LARGE1: variants seen among roughly 807,000 people sequenced by gnomAD.
LARGE1 encodes xylosyl- and glucuronyltransferase LARGE1.
LARGE1 carries 43 observed loss-of-function variants against 87.6 expected under a neutral mutation model. The observed-to-expected ratio is 0.49, with a 90% CI of 0.38 to 0.63. The LOEUF (loss-of-function observed/expected upper bound fraction) is 0.63. LARGE1 is among the 30% of genes least tolerant of loss of function. LARGE1 has a pLI of 0.00. For missense variants in LARGE1, 802 were observed against 1,000.2 expected (o/e 0.80, Z 2.67); for synonymous variants, 434 against 394.6 (o/e 1.10, Z -1.18).
intron 9 of LARGE1, among the ~76,000 whole-genome samples, chr22:33,340,680 C>G (rs1420007148): frequency 6.6e-6 from 1 of 151,914 alleles, no homozygotes; most frequent in African/African-American, 2.4e-5. Context: ...TGGGAGCCTT[C>G]TCCTGGGGGG....
At chr22:33,382,844 G>C (rs2147121530) in intron 8 of LARGE1, among the ~76,000 whole-genome samples, 1 of 152,162 alleles carries the variant, frequency 6.6e-6, no homozygotes, top group South Asian at 2.1e-4. Flanking sequence ...TTTCCCCTCA[G>C]GTTTAAAACA....
chr22:33,749,124 T>C (rs912646813), intron 2 of LARGE1, among the ~76,000 whole-genome samples: 1 of 152,022 alleles, frequency 6.6e-6, no homozygotes, highest in African/African-American at 2.4e-5. Flanking sequence ...TGCTCTCCTC[T>C]TTTTTTTGAG....
intron 7 of LARGE1, among the ~76,000 whole-genome samples, chr22:33,413,196 A>G (rs1267800245): frequency 9.9e-5 from 15 of 152,184 alleles, no homozygotes; most frequent in Non-Finnish European, 1.8e-4. Context: ...AATCTCACAG[A>G]TTCACTAGTA....
At chr22:33,705,304 A>G (rs2082528461) in intron 2 of LARGE1, among the ~76,000 whole-genome samples, 1 of 152,186 alleles carries the variant, frequency 6.6e-6, no homozygotes, top group Non-Finnish European at 1.5e-5. Context: ...CTTTTCTTTT[A>G]GAGTCTATAT....
At chr22:33,405,049 A>C (rs868435811) in intron 7 of LARGE1, among the ~76,000 whole-genome samples, 23 of 152,322 alleles carry the variant, frequency 1.5e-4, no homozygotes, top group African/African-American at 5.5e-4. Flanking sequence ...TTGGCTTTTA[A>C]GGTCATGGGA....
intron 7 of LARGE1, among the ~76,000 whole-genome samples, chr22:33,415,343 A>C (rs1350873623): frequency 6.6e-6 from 1 of 152,234 alleles, no homozygotes; most frequent in Non-Finnish European, 1.5e-5. Context: ...CATTTATAAG[A>C]AAAATAGCTC....
At chr22:33,247,258 AGAATGGATT>A (rs1926809081) in intron 11 of LARGE1, among the ~76,000 whole-genome samples, 1 of 152,232 alleles carries the variant, frequency 6.6e-6, no homozygotes, top group Non-Finnish European at 1.5e-5. Context: ...TCAATTACTT[AGAATGGATT>A]GATATGTTTC....
At chr22:33,397,106 T>C (rs924395572) in intron 7 of LARGE1, among the ~76,000 whole-genome samples, 65 of 152,204 alleles carry the variant, frequency 4.3e-4, no homozygotes, top group African/African-American at 1.5e-3. Context: ...CTTGCCATCA[T>C]CTTGCCTTTT....
At chr22:33,714,404 G>A (rs2082850706) in intron 2 of LARGE1, among the ~76,000 whole-genome samples, 1 of 152,160 alleles carries the variant, frequency 6.6e-6, no homozygotes. Flanking sequence ...CACTAAGCCT[G>A]AGGCCTCATC....
In LARGE1 at chr22:33,248,218, T is replaced by C. The variant is rs12158144; in HGVS notation, c.1730+56011A>G. On this transcript the variant is annotated intron_variant, in intron 11 of 11. Coordinates refer to the LARGE1 transcript ENST00000608642. ...TTTTTATTTTTTTGAGATGGAGTCT[T>C]GCTCTGTCACCCAGGCTGAAGTGCA... Among the ~76,000 whole-genome samples the C allele has an allele frequency of 4.5e-3, 680 of 152,180 alleles. 5 individuals are homozygous for C. Among genetic ancestry groups the C allele is most frequent in the African/African-American group, 0.015 (640 of 41,520 alleles).
chr22:33,149,866 T>C, the LARGE1 span, among the ~76,000 whole-genome samples: 1 of 152,206 alleles, frequency 6.6e-6, no homozygotes, highest in Non-Finnish European at 1.5e-5. Flanking sequence ...CAATGCATCA[T>C]TGAATCTTTC....
At chr22:33,543,490 T>C (rs371022934) in intron 6 of LARGE1, among the ~76,000 whole-genome samples, 29 of 152,174 alleles carry the variant, frequency 1.9e-4, no homozygotes, top group African/African-American at 6.3e-4. Flanking sequence ...TGCTAGGCTA[T>C]GGGGGTAAAG....
At chr22:33,427,560 C>T (rs554937158) in intron 7 of LARGE1, among the ~76,000 whole-genome samples, 4 of 152,142 alleles carry the variant, frequency 2.6e-5, no homozygotes, top group South Asian at 2.1e-4. Context: ...AGCCCATGCA[C>T]GCTATGGTGC....
intron 5 of LARGE1, among the ~76,000 whole-genome samples, chr22:33,565,422 C>T (rs1021104819): frequency 2.0e-5 from 3 of 152,258 alleles, no homozygotes; most frequent in East Asian, 1.9e-4. Context: ...TTCCTATGTA[C>T]GTATATTTCT....
intron 2 of LARGE1, among the ~76,000 whole-genome samples, chr22:33,683,705 T>C (rs1349980557): frequency 6.6e-6 from 1 of 152,022 alleles, no homozygotes; most frequent in African/African-American, 2.4e-5. Flanking sequence ...AGGAATAGAA[T>C]GGTTAGGCAA....
At chr22:33,603,613 T>C (rs2079167836) in intron 5 of LARGE1, among the ~76,000 whole-genome samples, 1 of 151,958 alleles carries the variant, frequency 6.6e-6, no homozygotes, top group Non-Finnish European at 1.5e-5. Flanking sequence ...GAAGGAAATA[T>C]CAGATGGAAG....
intron 11 of LARGE1, among the ~76,000 whole-genome samples, chr22:33,175,409 T>A (rs1352568826): frequency 2.6e-5 from 4 of 152,132 alleles, no homozygotes; most frequent in Non-Finnish European, 5.9e-5. Flanking sequence ...GAAAACCCCA[T>A]CATCTCAGCC....
intron 7 of LARGE1, among the ~76,000 whole-genome samples, chr22:33,395,472 C>CT (rs1764263825): frequency 1.3e-5 from 2 of 152,204 alleles, no homozygotes; most frequent in Admixed American, 1.3e-4. Flanking sequence ...AACTTCATAG[C>CT]ATGTAGAGGA....
chr22:33,658,054 C>T (rs899392657), intron 2 of LARGE1, among the ~76,000 whole-genome samples: 4 of 150,392 alleles, frequency 2.7e-5, no homozygotes, highest in African/African-American at 4.8e-5. Context: ...TGGCTCTTTC[C>T]GCACCGAACC....
Sources: gnomAD v4.1 joint callset for allele counts (sites outside exome capture counted in the v4.1 genomes callset) on GRCh38, gnomAD v4.1.1 for gene constraint, MANE v1.5 for transcripts, NCBI Gene and HGNC (gene_info 2026-07-23, HGNC 2026-07-21) for gene names.